Variants in ARHGAP32 observed in about 807,000 individuals in gnomAD.
The protein encoded by ARHGAP32 is Rho GTPase activating protein 32.
A neutral mutation model predicts 186.5 loss-of-function variants in ARHGAP32; 51 were observed. The observed-to-expected ratio is 0.27, with a 90% CI of 0.22 to 0.35. The LOEUF is 0.35. Ranked by LOEUF, ARHGAP32 falls within the 10% of genes least tolerant of loss-of-function variation. The pLI, the probability that ARHGAP32 is intolerant of heterozygous loss-of-function variation, is 1.00. For synonymous variants in ARHGAP32, 950 were observed against 964.3 expected (o/e 0.99, Z 0.27); for missense variants, 2,186 against 2,623.5 (o/e 0.83, Z 3.64).
At chr11:129,208,623 A>T (rs1415707814) in intron 1 of ARHGAP32, among the ~76,000 whole-genome samples, 1 of 152,068 alleles carries the variant, frequency 6.6e-6, no homozygotes, top group East Asian at 1.9e-4. Context: ...GCCACCTTCA[A>T]ACAACCGGAC....
intron 10 of ARHGAP32, among the ~76,000 whole-genome samples, chr11:129,046,811 T>G (rs1939825199): frequency 6.6e-6 from 1 of 152,062 alleles, no homozygotes; most frequent in African/African-American, 2.4e-5. Flanking sequence ...AACGATCATG[T>G]GCTTATCGCT....
In ARHGAP32 at chr11:128,970,036, C is replaced by T. The variant is rs375701110; in HGVS notation, c.5177G>A (p.Arg1726Gln). The change falls in exon 23 of 23, where the codon CGG becomes CAG. Residue 1726 changes from arginine to glutamine, a missense_variant. This residue lies in a region of ARHGAP32 where 1,502 missense variants were observed against 1,570.0 expected (regional missense o/e 0.96). Coordinates refer to ENST00000682385, the MANE Select transcript of ARHGAP32 (RefSeq NM_001378024.1). The surrounding 1 kb of genome is among the most constrained non-coding windows in gnomAD (Gnocchi z 5.8). ...AGAGAAATAGCCAGTCACGTTGGCC[C>T]GGGGACGTGGAGCCAAACCAGCATA... ...YSYAGLAPRP[R>Q]ANVTGYFSPN... The T allele has an allele frequency of 8.1e-6, 13 of 1,614,032 alleles. No individual in the cohort carries two copies. Among genetic ancestry groups the T allele is most frequent in the Middle Eastern group, 1.6e-4 (1 of 6,084 alleles).
At chr11:129,047,387 C>T (rs1353840856) in intron 10 of ARHGAP32, among the ~76,000 whole-genome samples, 1 of 152,132 alleles carries the variant, frequency 6.6e-6, no homozygotes, top group Non-Finnish European at 1.5e-5. Flanking sequence ...AACAAAAGTA[C>T]AAACAGAGAC....
intron 19 of ARHGAP32, among the ~76,000 whole-genome samples, chr11:128,977,363 C>G (rs1945575293): frequency 6.6e-6 from 1 of 152,164 alleles, no homozygotes; most frequent in Admixed American, 6.5e-5. Flanking sequence ...TTCTTTTTAA[C>G]CCCCTCCTCC....
At chr11:129,193,908 T>C (rs1944355431), upstream of ARHGAP32, among the ~76,000 whole-genome samples, 1 of 149,688 alleles carries the variant, frequency 6.7e-6, no homozygotes, top group African/African-American at 2.5e-5. Context: ...ATATAAAAAG[T>C]TCTTAAAAAC....
At chr11:129,007,284 G>A (rs757477284) in intron 11 of ARHGAP32, among the ~76,000 whole-genome samples, 1 of 151,676 alleles carries the variant, frequency 6.6e-6, no homozygotes. Context: ...CCAAGCAGAA[G>A]GAGTCTTTCA....
At chr11:129,028,975 G>T (rs1938980747) in intron 11 of ARHGAP32, among the ~76,000 whole-genome samples, 1 of 152,150 alleles carries the variant, frequency 6.6e-6, no homozygotes, top group Non-Finnish European at 1.5e-5. Flanking sequence ...CTAAGAAAAT[G>T]GAAAAGAATG....
At position 129,123,441 on chromosome 11, in the gene ARHGAP32, T is replaced by C. The variant is rs1591633690; in HGVS notation, c.444+5A>G. On this transcript the variant is annotated splice_donor_5th_base_variant and intron_variant, in intron 5 of 22. Coordinates refer to ENST00000682385, the MANE Select transcript of ARHGAP32 (RefSeq NM_001378024.1). The surrounding 1 kb of genome is among the most constrained non-coding windows in gnomAD (Gnocchi z 4.6). ...ATTCAAGATGTAAGAAATATTTCAG[T>C]ATACCTGTATGCTGCCGAACTCAAC... is the stretch of plus-strand genomic sequence containing the variant. 1.2e-6 allele frequency: 2 copies of C among 1,608,460 alleles called. No homozygotes were observed. The highest frequency in any genetic ancestry group is 1.7e-6 in the Non-Finnish European group (2 of 1,175,490).
chr11:129,212,271 A>G (rs1944590649), intron 1 of ARHGAP32, among the ~76,000 whole-genome samples: 1 of 152,212 alleles, frequency 6.6e-6, no homozygotes, highest in African/African-American at 2.4e-5. Context: ...ATATATGATT[A>G]ATAAGAGGCT....
At chr11:129,142,720 GAA>G (rs61447996) in intron 2 of ARHGAP32, among the ~76,000 whole-genome samples, 59 of 146,636 alleles carry the variant, frequency 4.0e-4, no homozygotes, top group Middle Eastern at 3.5e-3. Flanking sequence ...TTTCTTAAAG[GAA>G]AAAAAAAAAC....
At chr11:129,178,506 C>A (rs187290656) in intron 1 of ARHGAP32, among the ~76,000 whole-genome samples, 1 of 152,184 alleles carries the variant, frequency 6.6e-6, no homozygotes, top group Non-Finnish European at 1.5e-5. Context: ...GCCAAAAGAA[C>A]AAAGCCGGAG....
chr11:129,058,236 C>CTATA lies in ARHGAP32; in HGVS notation c.963+4043_963+4044insTATA, dbSNP rs1251998127. Among the ~76,000 whole-genome samples, 1,096 of 132,882 alleles carry CTATA rather than the reference C, an allele frequency of 8.2e-3. 4 individuals carry two copies. Among genetic ancestry groups the CTATA allele is most frequent in the East Asian group, 0.026 (119 of 4,608 alleles). The allele number at this position is 132,882 out of a possible 152,430, so 87.2% of individuals were successfully genotyped here. ...ACACACACACACTCTCTCTCTCTCT[C>CTATA]TCTATATATATATATATCTCATATA... On this transcript the variant is annotated intron_variant, in intron 10 of 22. Coordinates refer to ENST00000682385, the MANE Select transcript of ARHGAP32 (RefSeq NM_001378024.1).
chr11:129,016,484 A>T (rs767158149), intron 11 of ARHGAP32, among the ~76,000 whole-genome samples: 68 of 152,318 alleles, frequency 4.5e-4, no homozygotes, highest in Non-Finnish European at 3.7e-4. Flanking sequence ...ATAATCAACT[A>T]TTCTGCCATC....
rs771291961 is a variant in ARHGAP32 at position 129,086,596 on chromosome 11, C to T, written c.531+7025G>A. Among the ~76,000 whole-genome samples the T allele has an allele frequency of 2.1e-3, 321 of 152,090 alleles. 3 individuals are homozygous for T. The highest frequency in any genetic ancestry group is 3.5e-3 in the South Asian group (17 of 4,816). ...CAGCACTTTGGGAGGCCAAGGCGGG[C>T]GGATCACAAGGTCAGGAGATCGAGA... is the stretch of plus-strand genomic sequence containing the variant. On this transcript the variant is annotated intron_variant, in intron 6 of 22. Transcript: ENST00000682385.
At chr11:129,228,349 T>C (rs920308814) in intron 1 of ARHGAP32, among the ~76,000 whole-genome samples, 3 of 151,788 alleles carry the variant, frequency 2.0e-5, no homozygotes, top group Admixed American at 6.6e-5. Context: ...CAGATAAAAA[T>C]AGTAAAGGTA....
chr11:129,137,028 G>C (rs534387270), intron 2 of ARHGAP32, among the ~76,000 whole-genome samples: 2 of 151,500 alleles, frequency 1.3e-5, no homozygotes, highest in South Asian at 4.2e-4. Flanking sequence ...CTATCAATAA[G>C]AAAACAGTTT....
intron 1 of ARHGAP32, among the ~76,000 whole-genome samples, chr11:129,179,625 T>C (rs1443593221): frequency 6.6e-6 from 1 of 152,076 alleles, no homozygotes; most frequent in South Asian, 2.1e-4. Flanking sequence ...TAAAAAATGA[T>C]GAGTTCATGT....
At position 129,124,828 on chromosome 11, in the gene ARHGAP32, T is replaced by C; in HGVS notation, c.292A>G (p.Ser98Gly). Residue 98 changes from serine to glycine, a missense_variant, in exon 3 of 23, where the codon AGT becomes GGT. Ser to Gly is a moderately conservative substitution (Grantham distance 56). Around this residue, in one of 5 missense-constraint regions of ARHGAP32, gnomAD observed 108 missense variants for 116.8 expected, o/e 0.92. Transcript: ENST00000682385. Reference protein sequence around the residue: ...LTLKTCGSTASMKVKHVKKST... With the variant: ...LTLKTCGSTAGMKVKHVKKST... ...TTTTTCACATGCTTAACCTTCATAC[T>C]GGCTGTACTGCCACACGTCTTAAGA... 1.2e-6 allele frequency: 2 copies of C among 1,610,290 alleles called. No individual in the cohort carries two copies. Among genetic ancestry groups the C allele is most frequent in the Non-Finnish European group, 1.7e-6 (2 of 1,178,214 alleles).
At chr11:129,035,584 A>T (rs900890678) in intron 11 of ARHGAP32, among the ~76,000 whole-genome samples, 21 of 152,226 alleles carry the variant, frequency 1.4e-4, no homozygotes, top group African/African-American at 5.1e-4. Context: ...ACAGTGGCTC[A>T]TGCCTGTAAT....
Sources: gnomAD v4.1 joint callset for allele counts (sites outside exome capture counted in the v4.1 genomes callset) on GRCh38, gnomAD v4.1.1 for gene constraint, gnomAD v4.1.1 regional missense constraint, Gnocchi (gnomAD v3.1) non-coding constraint, MANE v1.5 for transcripts, NCBI Gene and HGNC (gene_info 2026-07-23, HGNC 2026-07-21) for gene names.